Variants in TASP1 observed in about 807,000 individuals in gnomAD.
TASP1 encodes threonine aspartase 1.
Under a neutral mutation model 56.6 loss-of-function variants are expected in TASP1, and 16 were observed. That is an observed-to-expected ratio of 0.28 (90% CI 0.19 to 0.43). TASP1 has a LOEUF of 0.43. Among genes scored for constraint, TASP1 ranks in the 20% least tolerant of loss-of-function variants. The pLI is 1.00. For synonymous variants in TASP1, 179 were observed against 184.2 expected (o/e 0.97, Z 0.23); for missense variants, 393 against 511.6 (o/e 0.77, Z 2.24).
chr20:13,379,725 G>T, the TASP1 span, among the ~76,000 whole-genome samples: 4 of 152,032 alleles, frequency 2.6e-5, no homozygotes, highest in East Asian at 1.9e-4. Context: ...TCAAACATAG[G>T]TTTGGTCTTT....
At chr20:13,338,938 TACAC>T in the TASP1 span, among the ~76,000 whole-genome samples, 1 of 151,828 alleles carries the variant, frequency 6.6e-6, no homozygotes, top group African/African-American at 2.4e-5. Flanking sequence ...CACACACAAA[TACAC>T]ACACCCATGC....
chr20:13,153,341 T>C, the TASP1 span, among the ~76,000 whole-genome samples: 1 of 152,156 alleles, frequency 6.6e-6, no homozygotes, highest in Non-Finnish European at 1.5e-5. Flanking sequence ...CATGGACCCA[T>C]GTATGTACTT....
the TASP1 span, among the ~76,000 whole-genome samples, chr20:13,337,826 T>C: frequency 1.3e-5 from 2 of 152,188 alleles, no homozygotes; most frequent in Admixed American, 6.5e-5. Flanking sequence ...CTCTGACAGC[T>C]CTTCAGCACC....
the TASP1 span, among the ~76,000 whole-genome samples, chr20:13,353,463 A>G: frequency 6.6e-6 from 1 of 152,188 alleles, no homozygotes. Flanking sequence ...TTCACATGCT[A>G]GTTATATTTT....
At chr20:13,303,060 G>A in the TASP1 span, among the ~76,000 whole-genome samples, 1 of 152,200 alleles carries the variant, frequency 6.6e-6, no homozygotes, top group African/African-American at 2.4e-5. Context: ...TTTTACCACA[G>A]GAGACCGGCA....
At chr20:13,248,401 G>A in the TASP1 span, among the ~76,000 whole-genome samples, 1 of 152,180 alleles carries the variant, frequency 6.6e-6, no homozygotes, top group Non-Finnish European at 1.5e-5. Context: ...GGCCTTACCA[G>A]TGAGATGTCT....
At chr20:13,573,363 C>T (rs1304757387) in intron 6 of TASP1, among the ~76,000 whole-genome samples, 1 of 152,090 alleles carries the variant, frequency 6.6e-6, no homozygotes, top group African/African-American at 2.4e-5. Flanking sequence ...CTTGAATGCC[C>T]CCTTTAATGG....
At chr20:13,202,913 G>A in the TASP1 span, among the ~76,000 whole-genome samples, 1 of 152,332 alleles carries the variant, frequency 6.6e-6, no homozygotes, top group African/African-American at 2.4e-5. Flanking sequence ...ATCCAGTTAA[G>A]CTATAGTTCA....
Position 13,458,323 on chromosome 20 carries a change from CCACAG to C in TASP1, c.986-23174_986-23170del, listed in dbSNP as rs2043922907. On this transcript the variant is annotated intron_variant, in intron 11 of 13. Coordinates refer to ENST00000337743, the MANE Select transcript of TASP1 (RefSeq NM_017714.3). ...TGCCAGTAATTCAAATTTTTAATTT[CCACAG>C]TTTTTGTTGTTGTTGTTTTCGTTTG... Among the ~76,000 whole-genome samples the C allele has an allele frequency of 8.5e-5, 13 of 152,156 alleles. No homozygotes were observed. The South Asian group carries it at 2.5e-3, about 29-fold the overall frequency.
the TASP1 span, among the ~76,000 whole-genome samples, chr20:13,209,338 T>G: frequency 6.6e-6 from 1 of 152,232 alleles, no homozygotes; most frequent in Non-Finnish European, 1.5e-5. Flanking sequence ...ATACACAGTC[T>G]TCACATGTAA....
intron 6 of TASP1, among the ~76,000 whole-genome samples, chr20:13,573,145 C>T (rs1192430445): frequency 6.6e-6 from 1 of 152,178 alleles, no homozygotes; most frequent in African/African-American, 2.4e-5. Context: ...TTGGAAATAA[C>T]ACATAACAAC....
the TASP1 span, among the ~76,000 whole-genome samples, chr20:13,116,938 G>A: frequency 1.3e-5 from 2 of 152,196 alleles, no homozygotes; most frequent in Non-Finnish European, 2.9e-5. Context: ...ACAGAAAGAG[G>A]AGACACCTCG....
At chr20:13,162,498 AGAAAATG>A in the TASP1 span, among the ~76,000 whole-genome samples, 1 of 152,204 alleles carries the variant, frequency 6.6e-6, no homozygotes. Flanking sequence ...TACATGTAAG[AGAAAATG>A]GAAAATGACC....
At chr20:13,167,435 C>G in the TASP1 span, 8 of 152,116 alleles carry the variant, frequency 5.3e-5, no homozygotes, top group Admixed American at 5.2e-4. Flanking sequence ...CGCACTCAGC[C>G]CTTCTGTTCA....
At chr20:13,355,346 A>G in the TASP1 span, among the ~76,000 whole-genome samples, 1 of 152,202 alleles carries the variant, frequency 6.6e-6, no homozygotes, top group Non-Finnish European at 1.5e-5. Flanking sequence ...TTAGTTGCTG[A>G]GAGGACTCAT....
In TASP1 at chr20:13,409,035, T is replaced by C. The variant is rs528196543; in HGVS notation, c.1170+8413A>G. Among the ~76,000 whole-genome samples the C allele has an allele frequency of 2.2e-3, 335 of 152,198 alleles. 2 individuals are homozygous for C. The highest frequency in any genetic ancestry group is 1.4e-3 in the Non-Finnish European group (98 of 67,926). ...TTCTTCTTAAAGCTTCTTAAGATGA[T>C]AGCTTAACTCATTTATTTTAAACTT... On this transcript the variant is annotated intron_variant, in intron 13 of 13. Coordinates refer to ENST00000337743, the MANE Select transcript of TASP1 (RefSeq NM_017714.3).
chr20:13,338,612 T>C, the TASP1 span, among the ~76,000 whole-genome samples: 2 of 152,238 alleles, frequency 1.3e-5, no homozygotes, highest in Non-Finnish European at 2.9e-5. Flanking sequence ...TACAGTAGGT[T>C]GCAAGGATTT....
intron 13 of TASP1, among the ~76,000 whole-genome samples, chr20:13,401,355 C>T (rs372253675): frequency 6.6e-6 from 1 of 152,024 alleles, no homozygotes; most frequent in Non-Finnish European, 1.5e-5. Flanking sequence ...GTTATATCTA[C>T]GCACCATCCT....
At chr20:13,600,997 C>T (rs796815981) in intron 4 of TASP1, among the ~76,000 whole-genome samples, 7 of 152,206 alleles carry the variant, frequency 4.6e-5, no homozygotes, top group East Asian at 3.9e-4. Flanking sequence ...TAAGCCTGGC[C>T]GGGTGTGGTG....
Sources: gnomAD v4.1 joint callset for allele counts (sites outside exome capture counted in the v4.1 genomes callset) on GRCh38, gnomAD v4.1.1 for gene constraint, MANE v1.5 for transcripts, NCBI Gene and HGNC (gene_info 2026-07-23, HGNC 2026-07-21) for gene names.